The following P4HB variants were observed in gnomAD, a reference collection of about 807,000 sequenced individuals.
P4HB encodes prolyl 4-hydroxylase subunit beta.
Under a neutral mutation model 52.6 loss-of-function variants are expected in P4HB, and 20 were observed. The ratio of observed to expected loss-of-function variants is 0.38; its 90% CI spans 0.27 to 0.55. The LOEUF (loss-of-function observed/expected upper bound fraction) is 0.55. Ranked by LOEUF, P4HB falls within the 20% of genes least tolerant of loss-of-function variation. P4HB has a pLI of 0.74. For synonymous variants in P4HB, 296 were observed against 277.9 expected (o/e 1.07, Z -0.65); for missense variants, 601 against 669.2 (o/e 0.90, Z 1.12).
At chr17:81,853,447 C>T (rs944870933) in intron 4 of P4HB, among the ~76,000 whole-genome samples, 1 of 151,904 alleles carries the variant, frequency 6.6e-6, no homozygotes, top group African/African-American at 2.4e-5. Flanking sequence ...GTGGCGGGTG[C>T]CCTGTAGTCC....
chr17:81,850,641 G>T (rs1354710826), intron 4 of P4HB, among the ~76,000 whole-genome samples: 1 of 151,334 alleles, frequency 6.6e-6, no homozygotes, highest in Non-Finnish European at 1.5e-5. Flanking sequence ...GTGCCAACAC[G>T]CCTGGCAAAT....
In P4HB at chr17:81,845,871, A is replaced by G. The variant is rs1435067416; in HGVS notation, c.1177T>C (p.Tyr393His). The G allele has an allele frequency of 6.8e-6, 11 of 1,613,908 alleles. No individual in the cohort carries two copies. Among genetic ancestry groups the G allele is most frequent in the Non-Finnish European group, 9.3e-6 (11 of 1,180,022 alleles). ...GGGGAGCTGAAAGGGCAACACTTACAGAACTCCACAAAGACGTTTTTTTTC... is the reference window on the plus strand; with the variant it reads ...GGGGAGCTGAAAGGGCAACACTTACGGAACTCCACAAAGACGTTTTTTTTC... ...DEKKNVFVEF[Y>H]APWCGHCKQL... The change falls in exon 8 of 11, where the codon TAT becomes CAT. Residue 393 changes from tyrosine to histidine, a missense_variant and splice_region_variant. Transcript: ENST00000331483.
intron 1 of P4HB, chr17:81,859,818 T>C: frequency 4.4e-6 from 1 of 229,300 alleles, no homozygotes. Flanking sequence ...GACCCTGAGT[T>C]GCTTAGGGTG....
chr17:81,857,292 C>T (rs1056798569), intron 2 of P4HB, among the ~76,000 whole-genome samples: 1 of 152,118 alleles, frequency 6.6e-6, no homozygotes, highest in Non-Finnish European at 1.5e-5. Context: ...GGATTACAGA[C>T]GTGCACCACC....
intron 4 of P4HB, among the ~76,000 whole-genome samples, chr17:81,852,159 G>A (rs2143341242): frequency 6.6e-6 from 1 of 152,330 alleles, no homozygotes; most frequent in East Asian, 1.9e-4. Context: ...CTCCAGCCTG[G>A]TAACAGAGCG....
At chr17:81,849,742 C>T (rs1356787712) in intron 4 of P4HB, among the ~76,000 whole-genome samples, 2 of 152,184 alleles carry the variant, frequency 1.3e-5, no homozygotes, top group Non-Finnish European at 2.9e-5. Context: ...AGAGGCGCCC[C>T]TGTGCTGAGG....
chr17:81,856,298 C>T (rs2038910829), intron 2 of P4HB, among the ~76,000 whole-genome samples: 1 of 151,150 alleles, frequency 6.6e-6, no homozygotes. Flanking sequence ...TCCCAAGTAG[C>T]TGGGACCACA....
At chr17:81,848,736 CAAAAAAAA>C (rs770133887) in intron 4 of P4HB, among the ~76,000 whole-genome samples, 252 of 24,460 alleles carry the variant, frequency 0.01, 1 homozygote, top group African/African-American at 0.036. Flanking sequence ...AACTCTGTCT[CAAAAAAAA>C]AAAAAAAAAA....
rs1007619982 is a variant in P4HB at position 81,843,714 on chromosome 17, C to T, written c.*298G>A. ...GGGAGGGAGGCAGCGAGACTCCGAA[C>T]ACGGTAGCAAGCACTCTGGACAGAC... On this transcript the variant is annotated 3_prime_UTR_variant, in exon 11 of 11. Transcript: ENST00000331483. The T allele has an allele frequency of 4.5e-6, 2 of 439,720 alleles. No individual in the cohort carries two copies. Among genetic ancestry groups the T allele is most frequent in the Non-Finnish European group, 8.0e-6 (2 of 249,192 alleles). The allele number at this position is 439,720 out of a possible 1,614,324, so 27.2% of individuals were successfully genotyped here.
rs1598263760 is a variant in P4HB, at chr17:81,846,325, G to A, written c.1056+104C>T. 1 of 1,082,700 alleles carries A rather than the reference G, an allele frequency of 9.2e-7. No homozygotes were observed. Among genetic ancestry groups the A allele is most frequent in the Non-Finnish European group, 1.4e-6 (1 of 720,500 alleles). 67.1% of individuals were successfully genotyped at this position (1,082,700 alleles called of 1,614,324 possible). On this transcript the variant is annotated intron_variant, in intron 7 of 10. Transcript: ENST00000331483. This position sits in a 1 kb window ranked among gnomAD's most constrained non-coding sequence, Gnocchi z 5.7. ...ATCTTGGGCTCCGTCCTCTTACTCT[G>A]AAGATCTTACTTTGAGGACGAAGCC... is the stretch of plus-strand genomic sequence containing the variant.
rs1483086764 is a variant in P4HB, at chr17:81,846,424, T to G, written c.1056+5A>C. On this transcript the variant is annotated splice_donor_5th_base_variant and intron_variant, in intron 7 of 10. Transcript: ENST00000331483. The surrounding 1 kb of genome is among the most constrained non-coding windows in gnomAD (Gnocchi z 5.7). ...GGCAGCCCTGGCCCGGGGACGCGCC[T>G]GCACCTTGATTTTGCCCTCCAGGAA... is the stretch of plus-strand genomic sequence containing the variant. 1.9e-6 allele frequency: 3 copies of G among 1,613,014 alleles called. No homozygotes were observed. The highest frequency in any genetic ancestry group is 2.5e-6 in the Non-Finnish European group (3 of 1,179,978).
At chr17:81,852,998 T>C (rs1317193440) in intron 4 of P4HB, among the ~76,000 whole-genome samples, 1 of 152,242 alleles carries the variant, frequency 6.6e-6, no homozygotes, top group African/African-American at 2.4e-5. Context: ...AACACTTCAC[T>C]GGCTTTTTCT....
rs762888503 is a variant in P4HB, at chr17:81,846,000, C to T, written c.1057-9G>A. The T allele has an allele frequency of 1.2e-6, 2 of 1,602,300 alleles. No homozygotes were observed. The highest frequency in any genetic ancestry group is 1.1e-5 in the South Asian group (1 of 90,444). On this transcript the variant is annotated splice_polypyrimidine_tract_variant and intron_variant, in intron 7 of 10. Transcript: ENST00000331483. ...TGGCTCATCAGGTGGGGCTGGAGGGCAGGCAGGGCACGGTGAGGGGCGGCG... is the reference window on the plus strand; with the variant it reads ...TGGCTCATCAGGTGGGGCTGGAGGGTAGGCAGGGCACGGTGAGGGGCGGCG...
At position 81,845,198 on chromosome 17, in the gene P4HB, A is replaced by C; in HGVS notation, c.1392T>G (p.Asp464Glu). 6.2e-7 allele frequency: 1 copy of C among 1,613,960 alleles called. No individual in the cohort carries two copies. The highest frequency in any genetic ancestry group is 8.5e-7 in the Non-Finnish European group (1 of 1,179,890). ...VIDYNGERTL[D>E]GFKKFLESGG... The stretch of plus-strand genomic sequence containing the variant: ...CGCTCTCCAGGAATTTCTTAAAACC[A>C]TCCAGCGTGCGTTCCCCGTTGTAAT... Residue 464 changes from aspartate (D) to glutamate (E), a missense_variant, in exon 10 of 11, where the codon GAT (aspartate) becomes GAG (glutamate). Coordinates refer to ENST00000331483, the MANE Select transcript of P4HB (RefSeq NM_000918.4).
At chr17:81,847,215 C>T (rs2038749227) in intron 5 of P4HB, 28 bp downstream of exon 5, 1 of 1,610,014 alleles carries the variant, frequency 6.2e-7, no homozygotes, top group Admixed American at 1.7e-5. Context: ...TCCCCATCCC[C>T]AGCCTGGGGG....
At position 81,843,899 on chromosome 17, in the gene P4HB, G is replaced by C. The variant is rs2038690405; in HGVS notation, c.*113C>G. 1 of 786,218 alleles carries C rather than the reference G, an allele frequency of 1.3e-6. No homozygotes were observed. Among genetic ancestry groups the C allele is most frequent in the African/African-American group, 1.7e-5 (1 of 59,092 alleles). The allele number at this position is 786,218 out of a possible 1,614,324, so 48.7% of individuals were successfully genotyped here. A position where few individuals can be genotyped will look rare whatever the true frequency, so the allele number is the denominator to read the frequency against. ...GGTGTCACTTCAGAGAGGTTCCCTG[G>C]GTTTCCGGCGACGCCCTCCTTCAAG... is the stretch of plus-strand genomic sequence containing the variant. On this transcript the variant is annotated 3_prime_UTR_variant, in exon 11 of 11. Coordinates refer to ENST00000331483, the MANE Select transcript of P4HB (RefSeq NM_000918.4).
rs1167661492 is a variant in P4HB, at chr17:81,855,406, T to C, written c.486+47A>G. The C allele has an allele frequency of 6.3e-7, 1 of 1,598,572 alleles. No individual in the cohort carries two copies. The stretch of plus-strand genomic sequence containing the variant: ...CCAGCTGCAGGCTGTGGACCCCTCC[T>C]CAATGGATGACGGAAGGAAGGAAGA... On this transcript the variant is annotated intron_variant, in intron 3 of 10. Transcript: ENST00000331483. This position sits in a 1 kb window ranked among gnomAD's most constrained non-coding sequence, Gnocchi z 4.3.
In P4HB at chr17:81,859,351, G is replaced by A; in HGVS notation, c.182C>T (p.Pro61Leu). Residue 61 changes from proline (P) to leucine (L), a missense_variant, in exon 2 of 11, where the codon CCT becomes CTT. By Grantham distance (98) the Pro-to-Leu change is moderately conservative. Coordinates refer to ENST00000331483, the MANE Select transcript of P4HB (RefSeq NM_000918.4). ...CTTCCCAGCGGCTTTGGCATACTCAGGGGCCAGAGCCTTGCAGTGGCCACA... is the reference window on the plus strand; with the variant it reads ...CTTCCCAGCGGCTTTGGCATACTCAAGGGCCAGAGCCTTGCAGTGGCCACA... ...PWCGHCKALA[P>L]EYAKAAGKLK... 1 of 1,613,880 alleles carries A rather than the reference G, an allele frequency of 6.2e-7. No homozygotes were observed. Among genetic ancestry groups the A allele is most frequent in the Non-Finnish European group, 8.5e-7 (1 of 1,180,030 alleles).
In P4HB at chr17:81,855,231, T is replaced by C. The variant is rs959141567; in HGVS notation, c.535A>G (p.Ile179Val). The C allele has an allele frequency of 1.2e-6, 2 of 1,613,906 alleles. No individual in the cohort carries two copies. Among genetic ancestry groups the C allele is most frequent in the Non-Finnish European group, 1.7e-6 (2 of 1,179,964 alleles). The change falls in exon 4 of 11, where the codon ATC (isoleucine) becomes GTC (valine). Residue 179 changes from isoleucine (I) to valine (V), a missense_variant. Physicochemically the swap from Ile to Val is conservative, Grantham distance 29 (BLOSUM62 3). Coordinates refer to ENST00000331483, the MANE Select transcript of P4HB (RefSeq NM_000918.4). This position sits in a 1 kb window ranked among gnomAD's most constrained non-coding sequence, Gnocchi z 4.3. ...GTGATCCCAAATGGTATGTCATCGA[T>C]GGCCTCTGCTGCCTGCAAAAACTGC... ...AKQFLQAAEA[I>V]DDIPFGITSN...
Sources: gnomAD v4.1 joint callset for allele counts (sites outside exome capture counted in the v4.1 genomes callset) on GRCh38, gnomAD v4.1.1 for gene constraint, Gnocchi (gnomAD v3.1) non-coding constraint, MANE v1.5 for transcripts, NCBI Gene and HGNC (gene_info 2026-07-23, HGNC 2026-07-21) for gene names.